Variants in GABRB3 observed in about 807,000 individuals in gnomAD.
The protein encoded by GABRB3 is gamma-aminobutyric acid receptor subunit beta-3.
In GABRB3, 14 loss-of-function variants were observed where a neutral mutation model predicts 52.1. That is an observed-to-expected ratio of 0.27 (90% CI 0.18 to 0.42). GABRB3 has a LOEUF of 0.42. Among genes scored for constraint, GABRB3 ranks in the 10% least tolerant of loss-of-function variants. GABRB3 has a pLI of 1.00. For missense variants in GABRB3, 307 were observed against 609.1 expected (o/e 0.50, Z 5.22); for synonymous variants, 260 against 232.3 (o/e 1.12, Z -1.08).
At chr15:26,740,098 A>G (rs1890162882) in intron 3 of GABRB3, among the ~76,000 whole-genome samples, 1 of 152,078 alleles carries the variant, frequency 6.6e-6, no homozygotes, top group Non-Finnish European at 1.5e-5. Flanking sequence ...CTGAAACAAC[A>G]ATCGGCAGCT....
intron 3 of GABRB3, among the ~76,000 whole-genome samples, chr15:26,690,785 T>C (rs17114396): frequency 0.024 from 3,640 of 151,480 alleles, 139 homozygotes; most frequent in African/African-American, 0.084. Context: ...AATCATGCCA[T>C]GTTTATGGTA....
At chr15:26,741,042 ATAAGTG>A (rs200622137) in intron 3 of GABRB3, among the ~76,000 whole-genome samples, 18,916 of 138,190 alleles carry the variant, frequency 0.14, 1,629 homozygotes, top group East Asian at 0.3. Context: ...CGAGGGAGGA[ATAAGTG>A]TGTGTGTGTG....
chr15:26,701,215 G>A (rs1888925582), intron 3 of GABRB3, among the ~76,000 whole-genome samples: 1 of 152,158 alleles, frequency 6.6e-6, no homozygotes, highest in East Asian at 1.9e-4. Context: ...TATTGCTCTT[G>A]CCACTTCTTT....
At chr15:26,611,581 C>T (rs1294138322) in intron 4 of GABRB3, among the ~76,000 whole-genome samples, 1 of 151,928 alleles carries the variant, frequency 6.6e-6, no homozygotes, top group Admixed American at 6.6e-5. Flanking sequence ...AAATTTTTGT[C>T]CTAAAGTAAA....
At chr15:26,650,309 C>T (rs1355421051) in intron 3 of GABRB3, among the ~76,000 whole-genome samples, 1 of 152,052 alleles carries the variant, frequency 6.6e-6, no homozygotes, top group African/African-American at 2.4e-5. Context: ...CTCACCCCAG[C>T]CCCATGCATA....
At chr15:26,579,613 C>T (rs1321373967) in intron 6 of GABRB3, among the ~76,000 whole-genome samples, 1 of 152,228 alleles carries the variant, frequency 6.6e-6, no homozygotes, top group Non-Finnish European at 1.5e-5. Flanking sequence ...AAATGCTTTA[C>T]ATTTTACAAA....
chr15:26,769,411 G>A (rs563379735), intron 3 of GABRB3, among the ~76,000 whole-genome samples: 4 of 152,048 alleles, frequency 2.6e-5, no homozygotes, highest in East Asian at 1.9e-4. Flanking sequence ...GTCATCTTAC[G>A]CCACATCTCA....
chr15:26,698,732 T>C (rs1888829920), intron 3 of GABRB3, among the ~76,000 whole-genome samples: 1 of 152,164 alleles, frequency 6.6e-6, no homozygotes, highest in Non-Finnish European at 1.5e-5. Flanking sequence ...CTTTCCCCTG[T>C]CGCTCCCCAA....
chr15:26,737,076 T>C (rs1021959773), intron 3 of GABRB3, among the ~76,000 whole-genome samples: 1 of 152,214 alleles, frequency 6.6e-6, no homozygotes, highest in East Asian at 1.9e-4. Flanking sequence ...GCTGTCGCAA[T>C]GAGAGAAACT....
At chr15:26,748,316 T>C (rs576410741) in intron 3 of GABRB3, among the ~76,000 whole-genome samples, 3 of 152,176 alleles carry the variant, frequency 2.0e-5, no homozygotes, top group Non-Finnish European at 4.4e-5. Context: ...AAATGTACCA[T>C]AGAATTCTCC....
intron 3 of GABRB3, among the ~76,000 whole-genome samples, chr15:26,641,952 C>G (rs11638494): frequency 2.0e-5 from 3 of 151,428 alleles, no homozygotes; most frequent in African/African-American, 4.9e-5. Context: ...TGCAGTGACT[C>G]GATCATAGCT....
chr15:26,640,629 A>G (rs74004627), intron 3 of GABRB3, among the ~76,000 whole-genome samples: 21,315 of 152,296 alleles, frequency 0.14, 1,572 homozygotes, highest in African/African-American at 0.19. Context: ...ATATTAAAAT[A>G]TAGGTTTTCC....
At chr15:26,681,235 G>T (rs1888230035) in intron 3 of GABRB3, among the ~76,000 whole-genome samples, 1 of 152,160 alleles carries the variant, frequency 6.6e-6, no homozygotes, top group African/African-American at 2.4e-5. Flanking sequence ...GACTCAAAAT[G>T]ACAAGGGGAA....
chr15:26,575,369 C>T (rs1178269633), intron 6 of GABRB3, among the ~76,000 whole-genome samples: 1 of 152,220 alleles, frequency 6.6e-6, no homozygotes, highest in African/African-American at 2.4e-5. Flanking sequence ...CTAGGAAGCA[C>T]AGGTGAATTG....
chr15:26,762,479 C>A (rs1481666624), intron 3 of GABRB3, among the ~76,000 whole-genome samples: 1 of 152,058 alleles, frequency 6.6e-6, no homozygotes, highest in African/African-American at 2.4e-5. Context: ...CTACCAAAAC[C>A]TCTGTGAAGA....
At chr15:26,618,442 C>T (rs1263719674) in intron 4 of GABRB3, among the ~76,000 whole-genome samples, 2 of 152,006 alleles carry the variant, frequency 1.3e-5, no homozygotes, top group Non-Finnish European at 1.5e-5. Context: ...ATAAATGGTG[C>T]TGGGAAAACT....
In GABRB3 at chr15:26,695,319, G is replaced by A. The variant is rs372589809; in HGVS notation, c.241-73785C>T. On this transcript the variant is annotated intron_variant, in intron 3 of 8. Transcript: ENST00000311550. ...GAAGAACAAGGATAAGATTTATACC[G>A]GACTTGCTTCCAGAAACCATGAGAA... Among the ~76,000 whole-genome samples, 7 of 152,092 alleles carry A rather than the reference G, an allele frequency of 4.6e-5. No homozygotes were observed. In the South Asian group the frequency reaches 6.2e-4, roughly 14 times the overall value.
chr15:26,623,716 A>C (rs1334441050), intron 3 of GABRB3, among the ~76,000 whole-genome samples: 3 of 152,170 alleles, frequency 2.0e-5, no homozygotes, highest in Non-Finnish European at 4.4e-5. Flanking sequence ...GTAATGGACA[A>C]CTAAAGACAG....
At chr15:26,736,546 G>T (rs1396229563) in intron 3 of GABRB3, among the ~76,000 whole-genome samples, 2 of 152,256 alleles carry the variant, frequency 1.3e-5, no homozygotes, top group African/African-American at 4.8e-5. Context: ...TTTGAGGAAA[G>T]CATATTGCAA....
Sources: allele counts gnomAD v4.1 joint callset (sites outside exome capture counted in the v4.1 genomes callset), GRCh38; gene constraint gnomAD v4.1.1; transcripts MANE v1.5; gene names NCBI Gene and HGNC (gene_info 2026-07-23, HGNC 2026-07-21).